The following SNTG1 variants were observed in gnomAD, a reference collection of about 807,000 sequenced individuals.
The protein encoded by SNTG1 is syntrophin gamma 1.
SNTG1 carries 39 observed loss-of-function variants against 74.7 expected under a neutral mutation model. The observed-to-expected ratio is 0.52, with a 90% confidence interval of 0.40 to 0.68. SNTG1 has a LOEUF of 0.68. Ranked by LOEUF, SNTG1 falls within the 30% of genes least tolerant of loss-of-function variation. The pLI is 0.00. For synonymous variants in SNTG1, 254 were observed against 217.1 expected, an observed-to-expected ratio of 1.17 and a Z score of -1.49; for missense variants, 685 against 609.5, an observed-to-expected ratio of 1.12 and a Z score of -1.30.
intron 1 of SNTG1, among the ~76,000 whole-genome samples, chr8:49,947,427 T>C (rs533024067): frequency 3.3e-5 from 5 of 152,358 alleles, no homozygotes; most frequent in African/African-American, 1.2e-4. Context: ...GAATACATTC[T>C]TTTTGTTGTC....
intron 1 of SNTG1, among the ~76,000 whole-genome samples, chr8:50,096,984 T>A (rs930304033): frequency 2.0e-5 from 3 of 152,166 alleles, no homozygotes; most frequent in East Asian, 3.9e-4. Context: ...TATTATTATT[T>A]TTTGAGATGG....
intron 18 of SNTG1, among the ~76,000 whole-genome samples, chr8:50,772,079 C>T (rs1305926464): frequency 1.3e-5 from 2 of 152,098 alleles, no homozygotes; most frequent in African/African-American, 4.8e-5. Flanking sequence ...AGTTAGAGCT[C>T]TACCAAGTCC....
chr8:50,120,773 T>C (rs573766328), intron 1 of SNTG1, among the ~76,000 whole-genome samples: 1 of 142,712 alleles, frequency 7.0e-6, no homozygotes, highest in African/African-American at 2.5e-5. Context: ...GTTTTTATTT[T>C]TGGGCCTCAT....
intron 1 of SNTG1, among the ~76,000 whole-genome samples, chr8:49,920,242 T>G (rs1806411594): frequency 6.6e-6 from 1 of 152,078 alleles, no homozygotes; most frequent in Non-Finnish European, 1.5e-5. Context: ...CACTTTAGTT[T>G]CCGTTCGTAA....
At chr8:50,764,362 CT>C (rs1355072786) in intron 18 of SNTG1, among the ~76,000 whole-genome samples, 15 of 151,846 alleles carry the variant, frequency 9.9e-5, no homozygotes, top group Admixed American at 9.9e-4. Flanking sequence ...TATTTATAAG[CT>C]GTACATGTGA....
chr8:50,643,005 CCCTTATATGTGGACA>C (rs929746884), intron 13 of SNTG1, among the ~76,000 whole-genome samples: 3 of 152,006 alleles, frequency 2.0e-5, no homozygotes, highest in Non-Finnish European at 4.4e-5. Flanking sequence ...GAAAATGTCA[CCCTTATATGTGGACA>C]CTGTAGATGC....
At chr8:50,535,060 T>C in intron 10 of SNTG1, among the ~76,000 whole-genome samples, 1 of 152,162 alleles carries the variant, frequency 6.6e-6, no homozygotes, top group East Asian at 1.9e-4. Context: ...TCTAAGTAGT[T>C]TGTTTTACTA....
chr8:50,303,578 C>A (rs907159693), intron 2 of SNTG1, among the ~76,000 whole-genome samples: 1 of 151,930 alleles, frequency 6.6e-6, no homozygotes, highest in Non-Finnish European at 1.5e-5. Flanking sequence ...ATTACATCTT[C>A]TAGAAATAAG....
intron 1 of SNTG1, among the ~76,000 whole-genome samples, chr8:50,169,955 A>G (rs1371183682): frequency 6.6e-6 from 1 of 152,220 alleles, no homozygotes; most frequent in Non-Finnish European, 1.5e-5. Flanking sequence ...TGTGTAAAAT[A>G]ATAATAATGA....
chr8:50,217,910 G>A (rs2084872404), intron 2 of SNTG1, among the ~76,000 whole-genome samples: 1 of 152,138 alleles, frequency 6.6e-6, no homozygotes. Flanking sequence ...TGTAAAAGAA[G>A]AAGGCATATC....
At chr8:50,677,521 G>A (rs1344524871) in intron 15 of SNTG1, among the ~76,000 whole-genome samples, 1 of 151,834 alleles carries the variant, frequency 6.6e-6, no homozygotes, top group African/African-American at 2.4e-5. Flanking sequence ...GCTCTATTTA[G>A]CTTAAATTCC....
At chr8:50,061,961 T>C (rs1563538222) in intron 1 of SNTG1, among the ~76,000 whole-genome samples, 1 of 152,190 alleles carries the variant, frequency 6.6e-6, no homozygotes, top group South Asian at 2.1e-4. Context: ...GGTTGGTTGA[T>C]TGTGTTCTTC....
At chr8:49,933,862 G>A (rs1563364721) in intron 1 of SNTG1, among the ~76,000 whole-genome samples, 1 of 152,126 alleles carries the variant, frequency 6.6e-6, no homozygotes, top group Non-Finnish European at 1.5e-5. Flanking sequence ...CCTGGACTTG[G>A]TTGTGGAGGT....
At position 50,452,109 on chromosome 8, in the gene SNTG1, C is replaced by T. The variant is rs985382212; in HGVS notation, c.363+1380C>T. Among the ~76,000 whole-genome samples the T allele has an allele frequency of 2.6e-5, 4 of 152,084 alleles. No homozygotes were observed. The South Asian group carries it at 6.2e-4, about 24-fold the overall frequency. On this transcript the variant is annotated intron_variant, in intron 8 of 18. Transcript: ENST00000642720. ...TGAAAAGCCACGGCTGCACAAGAAC[C>T]GAGACGAAGGAGGGTTTTTAATTAG...
chr8:50,772,690 A>T (rs928275649), intron 18 of SNTG1, among the ~76,000 whole-genome samples: 2 of 152,074 alleles, frequency 1.3e-5, no homozygotes, highest in Non-Finnish European at 1.5e-5. Flanking sequence ...TTCCTCTGAA[A>T]CTCATGTCAA....
At chr8:50,756,769 A>C (rs1032191408) in intron 18 of SNTG1, among the ~76,000 whole-genome samples, 1 of 151,602 alleles carries the variant, frequency 6.6e-6, no homozygotes, top group Non-Finnish European at 1.5e-5. Context: ...GCCTCTCTCT[A>C]TATATTTTAG....
intron 8 of SNTG1, among the ~76,000 whole-genome samples, chr8:50,475,212 AAACTTAAAG>A (rs2093687348): frequency 2.0e-5 from 3 of 150,348 alleles, no homozygotes; most frequent in African/African-American, 7.5e-5. Flanking sequence ...ATGTACCCTA[AAACTTAAAG>A]TATAATAATA....
At chr8:50,388,898 A>T (rs551777240) in intron 2 of SNTG1, among the ~76,000 whole-genome samples, 1 of 152,280 alleles carries the variant, frequency 6.6e-6, no homozygotes, top group East Asian at 1.9e-4. Context: ...ACAAATATCA[A>T]GCACTTATTT....
rs371663565 is a variant in SNTG1 at position 50,072,734 on chromosome 8, A to G, written c.-102-99827A>G. Among the ~76,000 whole-genome samples, 8 of 152,306 alleles carry G rather than the reference A, an allele frequency of 5.3e-5. No individual in the cohort carries two copies. The East Asian group carries it at 9.7e-4, about 18-fold the overall frequency. On this transcript the variant is annotated intron_variant, in intron 1 of 18. Transcript: ENST00000642720. ...TAGCAAAGCTAACATTAATACAGGC[A>G]TACCTCAGGGATATCATGGGTTCAG... is the stretch of plus-strand genomic sequence containing the variant.
Sources: allele counts gnomAD v4.1 joint callset (sites outside exome capture counted in the v4.1 genomes callset), GRCh38; gene constraint gnomAD v4.1.1; transcripts MANE v1.5; gene names NCBI Gene and HGNC (gene_info 2026-07-23, HGNC 2026-07-21).